RUNX1: variants seen among roughly 807,000 people sequenced by gnomAD.
The protein encoded by RUNX1 is runt-related transcription factor 1.
Under a neutral mutation model 42.8 loss-of-function variants are expected in RUNX1, and 19 were observed. The observed-to-expected ratio is 0.44, with a 90% CI of 0.31 to 0.65. RUNX1 has a LOEUF of 0.65. Among genes scored for constraint, RUNX1 ranks in the 30% least tolerant of loss-of-function variants. The pLI, the probability that RUNX1 is intolerant of heterozygous loss-of-function variation, is 0.07. For missense variants in RUNX1, 528 were observed against 672.0 expected (o/e 0.79, Z 2.37); for synonymous variants, 271 against 289.4 (o/e 0.94, Z 0.64).
chr21:34,992,116 A>C (rs1233473792), intron 2 of RUNX1, among the ~76,000 whole-genome samples: 1 of 152,250 alleles, frequency 6.6e-6, no homozygotes, highest in East Asian at 1.9e-4. Flanking sequence ...TATGGCAAGC[A>C]TGGGAAAGTA....
Position 34,789,117 on chromosome 21 carries a change from G to C in RUNX1, c.*3018C>G, listed in dbSNP as rs1354837590. ...ACAGCAAGCAGATCCAATATGGTTGGCAATGTCTCTGTTCTGCTGGAAGAA... is the reference window on the plus strand; with the variant it reads ...ACAGCAAGCAGATCCAATATGGTTGCCAATGTCTCTGTTCTGCTGGAAGAA... On this transcript the variant is annotated 3_prime_UTR_variant, in exon 9 of 9. Transcript: ENST00000675419. The C allele has an allele frequency of 4.3e-6, 1 of 233,204 alleles. No individual in the cohort carries two copies. Among genetic ancestry groups the C allele is most frequent in the Non-Finnish European group, 8.5e-6 (1 of 118,084 alleles). 14.4% of individuals were successfully genotyped at this position (233,204 alleles called of 1,614,324 possible). A position where few individuals can be genotyped will look rare whatever the true frequency, so the allele number is the denominator to read the frequency against.
chr21:35,014,262 C>A (rs1208458752), intron 2 of RUNX1, among the ~76,000 whole-genome samples: 1 of 152,226 alleles, frequency 6.6e-6, no homozygotes, highest in East Asian at 1.9e-4. Flanking sequence ...TCTAAGGGTC[C>A]AGTTTTCATG....
chr21:34,976,732 T>C (rs187722937), intron 2 of RUNX1, among the ~76,000 whole-genome samples: 1 of 152,296 alleles, frequency 6.6e-6, no homozygotes, highest in East Asian at 1.9e-4. Context: ...GGGAAGACAA[T>C]ATTGCTAGAG....
intron 2 of RUNX1, among the ~76,000 whole-genome samples, chr21:34,941,649 C>G (rs2058527449): frequency 6.6e-6 from 1 of 152,076 alleles, no homozygotes; most frequent in Non-Finnish European, 1.5e-5. Context: ...CCCATATACT[C>G]TACAAAAAAA....
chr21:34,897,629 C>T (rs750925636), intron 2 of RUNX1, among the ~76,000 whole-genome samples: 10 of 152,102 alleles, frequency 6.6e-5, no homozygotes, highest in Non-Finnish European at 1.2e-4. Context: ...TGGAACCACC[C>T]CTTCCCTGGC....
At chr21:34,860,333 T>C (rs1192695791) in intron 5 of RUNX1, among the ~76,000 whole-genome samples, 1 of 152,242 alleles carries the variant, frequency 6.6e-6, no homozygotes, top group East Asian at 1.9e-4. Flanking sequence ...GGTAAAGTGA[T>C]TCAGAAGATA....
chr21:34,957,230 G>A (rs752994443), intron 2 of RUNX1, among the ~76,000 whole-genome samples: 5 of 152,170 alleles, frequency 3.3e-5, no homozygotes, highest in Non-Finnish European at 5.9e-5. Context: ...AAGATGAAAA[G>A]CGTTATGGGG....
intron 2 of RUNX1, among the ~76,000 whole-genome samples, chr21:34,925,808 G>A (rs2058388511): frequency 6.6e-6 from 1 of 152,190 alleles, no homozygotes; most frequent in African/African-American, 2.4e-5. Context: ...GGCTCAGAAA[G>A]AGGTTCGAGA....
chr21:34,792,462 G>A lies in RUNX1; in HGVS notation c.1116C>T (p.Gly372=), dbSNP rs1162296356. 1 of 1,582,230 alleles carries A rather than the reference G, an allele frequency of 6.3e-7. No individual in the cohort carries two copies. The highest frequency in any genetic ancestry group is 1.2e-5 in the South Asian group (1 of 86,848). ...SGIGIGMSAM[G]SATRYHTYLP... The stretch of plus-strand genomic sequence containing the variant: ...GGTAGGTGTGGTAGCGCGTGGCCGA[G>A]CCCATGGCCGACATGCCGATGCCGA... The change falls in exon 9 of 9, where the codon GGC becomes GGT. Residue 372 remains glycine (G), a synonymous_variant. Coordinates refer to ENST00000675419, the MANE Select transcript of RUNX1 (RefSeq NM_001754.5). The surrounding 1 kb of genome is among the most constrained non-coding windows in gnomAD (Gnocchi z 6.9).
At position 35,001,196 on chromosome 21, in the gene RUNX1, A is replaced by T. The variant is rs1372744459; in HGVS notation, c.58+47646T>A. 2.6e-5 allele frequency among the ~76,000 whole-genome samples: 4 copies of T among 151,716 alleles called. No individual in the cohort carries two copies. The South Asian group carries it at 8.3e-4, about 32-fold the overall frequency. On this transcript the variant is annotated intron_variant, in intron 2 of 8. Coordinates refer to ENST00000675419, the MANE Select transcript of RUNX1 (RefSeq NM_001754.5). ...AATAGTTTCTTATTTGTATTTTTTA[A>T]AAGTTTTTTTAATAGCCTTATTGAG...
chr21:34,924,382 G>A (rs771552388), intron 2 of RUNX1, among the ~76,000 whole-genome samples: 22 of 152,172 alleles, frequency 1.4e-4, no homozygotes, highest in Non-Finnish European at 2.9e-5. Flanking sequence ...AGGTGGCACA[G>A]GGTGGCTGGT....
At chr21:35,045,654 A>T (rs1233701556) in intron 2 of RUNX1, among the ~76,000 whole-genome samples, 1 of 152,184 alleles carries the variant, frequency 6.6e-6, no homozygotes, top group Non-Finnish European at 1.5e-5. Flanking sequence ...GTCTCCCTCC[A>T]GAACTGTGTG....
intron 2 of RUNX1, among the ~76,000 whole-genome samples, chr21:34,930,299 T>TATATATATATAA (rs1297231112): frequency 7.0e-6 from 1 of 143,712 alleles, no homozygotes; most frequent in South Asian, 2.1e-4. Flanking sequence ...TATAAATAAA[T>TATATATATATAA]AAATAAAATT....
chr21:34,987,524 A>G (rs948878425), intron 2 of RUNX1, among the ~76,000 whole-genome samples: 1 of 152,164 alleles, frequency 6.6e-6, no homozygotes, highest in Non-Finnish European at 1.5e-5. Flanking sequence ...GCTGAATGTC[A>G]AGGGGGAGAT....
chr21:34,884,461 T>C lies in RUNX1; in HGVS notation c.351+2382A>G, dbSNP rs564294241. On this transcript the variant is annotated intron_variant, in intron 4 of 8. Coordinates refer to ENST00000675419, the MANE Select transcript of RUNX1 (RefSeq NM_001754.5). ...CATAGGGAATATAATAATTATTTAC[T>C]GGTTAACTTCCTAGGGAGATTGCCT... is the stretch of plus-strand genomic sequence containing the variant. 4.6e-5 allele frequency among the ~76,000 whole-genome samples: 7 copies of C among 152,326 alleles called. No homozygotes were observed. The South Asian group carries it at 8.3e-4, about 18-fold the overall frequency.
chr21:34,940,749 C>A (rs184114780), intron 2 of RUNX1, among the ~76,000 whole-genome samples: 10 of 152,208 alleles, frequency 6.6e-5, no homozygotes, highest in Non-Finnish European at 1.2e-4. Flanking sequence ...GGTAAGAAGA[C>A]GCTTCATCTA....
At chr21:35,001,140 C>T (rs1040192343) in intron 2 of RUNX1, among the ~76,000 whole-genome samples, 4 of 151,962 alleles carry the variant, frequency 2.6e-5, no homozygotes, top group Non-Finnish European at 4.4e-5. Context: ...CTCTCTTTAC[C>T]GTCTCTATAA....
chr21:34,846,872 G>T (rs1301500841), intron 6 of RUNX1, among the ~76,000 whole-genome samples: 1 of 152,212 alleles, frequency 6.6e-6, no homozygotes. Flanking sequence ...CAAATGAACA[G>T]GACAGCGAGC....
intron 6 of RUNX1, among the ~76,000 whole-genome samples, chr21:34,856,611 A>G (rs2057498133): frequency 6.6e-6 from 1 of 152,104 alleles, no homozygotes; most frequent in African/African-American, 2.4e-5. Context: ...AGCTAGGCAA[A>G]CCGTTTCATT....
Sources: gnomAD v4.1 joint callset for allele counts (sites outside exome capture counted in the v4.1 genomes callset) on GRCh38, gnomAD v4.1.1 for gene constraint, Gnocchi (gnomAD v3.1) non-coding constraint, MANE v1.5 for transcripts, NCBI Gene and HGNC (gene_info 2026-07-23, HGNC 2026-07-21) for gene names.